Variants in PRKCB observed in about 807,000 individuals in gnomAD.
The protein encoded by PRKCB is protein kinase C beta.
Under a neutral mutation model 81.5 loss-of-function variants are expected in PRKCB, and 13 were observed. The ratio of observed to expected loss-of-function variants is 0.16; its 90% CI spans 0.10 to 0.25. The LOEUF (loss-of-function observed/expected upper bound fraction) is 0.25, where lower values mean the gene tolerates loss of function less well. Ranked by LOEUF, PRKCB falls within the 10% of genes least tolerant of loss-of-function variation. The probability of loss-of-function intolerance (pLI) is 1.00; values close to 1 mark genes in which losing one functional copy is unlikely to be tolerated. For synonymous variants in PRKCB, 335 were observed against 321.4 expected, an observed-to-expected ratio of 1.04 and a Z score of -0.45; for missense variants, 509 against 875.7, an observed-to-expected ratio of 0.58 and a Z score of 5.29.
chr16:23,857,247 C>T (rs1962583302), intron 2 of PRKCB, among the ~76,000 whole-genome samples: 1 of 152,186 alleles, frequency 6.6e-6, no homozygotes, highest in East Asian at 1.9e-4. Context: ...TGTCAGAGAG[C>T]TGTGTCGAAT....
chr16:24,208,912 C>T (rs1968089984), intron 16 of PRKCB, among the ~76,000 whole-genome samples: 1 of 152,186 alleles, frequency 6.6e-6, no homozygotes, highest in African/African-American at 2.4e-5. Flanking sequence ...ATCACGCTCC[C>T]TCTGTATCGC....
At chr16:24,087,269 A>T (rs1966320740) in intron 5 of PRKCB, among the ~76,000 whole-genome samples, 1 of 152,230 alleles carries the variant, frequency 6.6e-6, no homozygotes, top group African/African-American at 2.4e-5. Context: ...TTAAACAAAG[A>T]GGCATTATAT....
intron 2 of PRKCB, chr16:23,869,213 T>C (rs1338428159): frequency 2.3e-6 from 1 of 434,696 alleles, no homozygotes. Context: ...TGAGAAGCTA[T>C]TGTGTGGTTT....
intron 2 of PRKCB, among the ~76,000 whole-genome samples, chr16:23,952,464 G>A (rs1030213972): frequency 2.0e-5 from 3 of 152,196 alleles, no homozygotes; most frequent in Non-Finnish European, 4.4e-5. Flanking sequence ...GGGCTGCATA[G>A]AGAGAGAGTT....
intron 2 of PRKCB, among the ~76,000 whole-genome samples, chr16:23,964,203 T>C (rs1403661522): frequency 2.6e-5 from 4 of 152,274 alleles, no homozygotes; most frequent in Non-Finnish European, 5.9e-5. Flanking sequence ...CTGATGTAGC[T>C]GGCAGTGAAG....
Position 24,122,449 on chromosome 16 carries a change from C to CTTTTTTTT in PRKCB, c.919-1374_919-1367dup, listed in dbSNP as rs35364143. On this transcript the variant is annotated intron_variant, in intron 8 of 16. Transcript: ENST00000643927. ...CATGTCAGAGGATTCTACCACGAGG[C>CTTTTTTTT]TTTTTTTTTTTTTTTTTTTAGTGAG... 3.4e-4 allele frequency among the ~76,000 whole-genome samples: 33 copies of CTTTTTTTT among 97,638 alleles called. 3 individuals are homozygous for CTTTTTTTT. The highest frequency in any genetic ancestry group is 1.5e-3 in the African/African-American group (28 of 18,382). The allele number at this position is 97,638 out of a possible 152,430, so 64.1% of individuals were successfully genotyped here.
At chr16:23,948,329 G>T (rs1032284513) in intron 2 of PRKCB, among the ~76,000 whole-genome samples, 7 of 152,100 alleles carry the variant, frequency 4.6e-5, no homozygotes, top group African/African-American at 1.7e-4. Context: ...TGGTTAAACT[G>T]GTTAGAGTGG....
intron 16 of PRKCB, among the ~76,000 whole-genome samples, chr16:24,210,982 C>T (rs901926757): frequency 5.3e-5 from 8 of 152,222 alleles, no homozygotes; most frequent in Middle Eastern, 3.4e-3. Flanking sequence ...TCAGTAAATC[C>T]GTCTTGAATG....
At chr16:23,992,686 G>A (rs186130023) in intron 3 of PRKCB, among the ~76,000 whole-genome samples, 1 of 152,304 alleles carries the variant, frequency 6.6e-6, no homozygotes, top group East Asian at 1.9e-4. Context: ...GCCTGTAGTT[G>A]CAGGGCTGAA....
At chr16:24,100,159 T>C (rs1440272874) in intron 7 of PRKCB, among the ~76,000 whole-genome samples, 2 of 152,112 alleles carry the variant, frequency 1.3e-5, no homozygotes, top group Non-Finnish European at 2.9e-5. Context: ...CAGTCCATTG[T>C]TGTATATAAA....
chr16:23,857,360 A>T (rs1179947244), intron 2 of PRKCB, among the ~76,000 whole-genome samples: 1 of 152,114 alleles, frequency 6.6e-6, no homozygotes, highest in African/African-American at 2.4e-5. Context: ...ATCAGCACAG[A>T]GGGAGGGAGG....
At chr16:23,946,025 T>C (rs72778002) in intron 2 of PRKCB, among the ~76,000 whole-genome samples, 14 of 152,354 alleles carry the variant, frequency 9.2e-5, no homozygotes, top group Non-Finnish European at 2.1e-4. Context: ...CATCCTCTCA[T>C]TTTATGCTTG....
At chr16:24,117,367 G>T (rs569729672) in intron 8 of PRKCB, among the ~76,000 whole-genome samples, 1 of 152,268 alleles carries the variant, frequency 6.6e-6, no homozygotes, top group South Asian at 2.1e-4. Flanking sequence ...TCAGTCGACC[G>T]TGGGCTTTGG....
intron 2 of PRKCB, among the ~76,000 whole-genome samples, chr16:23,918,800 G>A (rs79338498): frequency 0.04 from 6,144 of 152,178 alleles, 425 homozygotes; most frequent in African/African-American, 0.14. Context: ...AGTTAAATAG[G>A]ACTCAAAAGT....
At chr16:24,174,958 C>T (rs1407714615) in intron 12 of PRKCB, 1 of 174,362 alleles carries the variant, frequency 5.7e-6, no homozygotes, top group African/African-American at 2.4e-5. Context: ...TATTATGAAA[C>T]ATTTTTTATT....
chr16:24,164,073 C>G (rs1045080762), intron 10 of PRKCB, among the ~76,000 whole-genome samples: 23 of 152,188 alleles, frequency 1.5e-4, no homozygotes, highest in African/African-American at 5.5e-4. Context: ...AGCAACTTCC[C>G]TTGGAGCATG....
intron 2 of PRKCB, among the ~76,000 whole-genome samples, chr16:23,890,775 A>G (rs945790783): frequency 6.6e-6 from 1 of 152,146 alleles, no homozygotes; most frequent in South Asian, 2.1e-4. Context: ...ACATCATCCC[A>G]TTCAGAAACA....
chr16:23,836,337 C>G lies in PRKCB; in HGVS notation c.162C>G (p.Thr54=), dbSNP rs115667450. The change falls in exon 1 of 17, where the codon ACC becomes ACG. Residue 54 remains threonine (T), a synonymous_variant. Transcript: ENST00000643927. ...AGCCCACCTTCTGCAGCCACTGCAC[C>G]GACTTCATCTGGTGAGCGCGCGCGC... ...FKQPTFCSHC[T]DFIWGFGKQG... 2 of 1,602,248 alleles carry G rather than the reference C, an allele frequency of 1.2e-6. No homozygotes were observed. The highest frequency in any genetic ancestry group is 2.2e-5 in the South Asian group (2 of 90,660).
At chr16:23,877,589 C>T (rs1283809775) in intron 2 of PRKCB, among the ~76,000 whole-genome samples, 7 of 152,130 alleles carry the variant, frequency 4.6e-5, no homozygotes, top group Admixed American at 3.9e-4. Context: ...AATGGCATGC[C>T]GCACTGTCAA....
Sources: allele counts gnomAD v4.1 joint callset (sites outside exome capture counted in the v4.1 genomes callset), GRCh38; gene constraint gnomAD v4.1.1; transcripts MANE v1.5; gene names NCBI Gene and HGNC (gene_info 2026-07-23, HGNC 2026-07-21).